The following ZNF608 variants were observed in gnomAD, a reference collection of about 807,000 sequenced individuals.
ZNF608 encodes renal carcinoma antigen NY-REN-36.
Under a neutral mutation model 109.0 loss-of-function variants are expected in ZNF608, and 12 were observed. The ratio of observed to expected loss-of-function variants is 0.11; its 90% CI spans 0.07 to 0.18. The LOEUF (loss-of-function observed/expected upper bound fraction) is 0.18. Ranked by LOEUF, ZNF608 falls within the 10% of genes least tolerant of loss-of-function variation. The pLI is 1.00. For synonymous variants in ZNF608, 732 were observed against 717.4 expected (o/e 1.02, Z -0.33); for missense variants, 1,707 against 1,879.3 (o/e 0.91, Z 1.70).
At chr5:124,723,032 ATT>A (rs753609561) in intron 2 of ZNF608, among the ~76,000 whole-genome samples, 18 of 142,772 alleles carry the variant, frequency 1.3e-4, no homozygotes, top group Admixed American at 2.1e-4. Context: ...TAAAAAAAAA[ATT>A]TTTTTTTTTT....
intron 3 of ZNF608, among the ~76,000 whole-genome samples, chr5:124,678,153 T>A (rs185461621): frequency 6.6e-6 from 1 of 152,278 alleles, no homozygotes; most frequent in East Asian, 1.9e-4. Context: ...AGTTCTTAGC[T>A]TATTGTGTGC....
intron 3 of ZNF608, among the ~76,000 whole-genome samples, chr5:124,672,478 C>G (rs1240283163): frequency 6.6e-6 from 1 of 152,174 alleles, no homozygotes; most frequent in Non-Finnish European, 1.5e-5. Flanking sequence ...AAAACTGTCT[C>G]CTGATACTAA....
At chr5:124,710,770 T>G (rs1291658768) in intron 2 of ZNF608, 2 of 153,660 alleles carry the variant, frequency 1.3e-5, no homozygotes, top group African/African-American at 4.8e-5. Flanking sequence ...GTTAAGCAAC[T>G]GGGTAAAGCT....
chr5:124,645,724 C>A (rs895807680), intron 5 of ZNF608, among the ~76,000 whole-genome samples: 2 of 151,882 alleles, frequency 1.3e-5, no homozygotes, highest in African/African-American at 4.8e-5. Context: ...GCTGACTGAC[C>A]CATGGGGCTC....
At chr5:124,677,180 T>A (rs1751980854) in intron 3 of ZNF608, among the ~76,000 whole-genome samples, 1 of 152,258 alleles carries the variant, frequency 6.6e-6, no homozygotes, top group Non-Finnish European at 1.5e-5. Context: ...TTGTTTCACA[T>A]TTGTCTATAA....
chr5:124,723,163 TG>T (rs1168562320), intron 2 of ZNF608, among the ~76,000 whole-genome samples: 2 of 151,536 alleles, frequency 1.3e-5, no homozygotes, highest in African/African-American at 4.9e-5. Context: ...CTCAAATAGG[TG>T]GGATTACAGG....
In ZNF608 at chr5:124,735,976, C is replaced by G. The variant is rs187632307; in HGVS notation, c.906+8108G>C. Reference sequence around the variant, plus strand: ...CCTCCACTTCTCAAAATGTTGAGCTCATCTTCCACACAACTTCACAGAAAA... The same window carrying G: ...CCTCCACTTCTCAAAATGTTGAGCTGATCTTCCACACAACTTCACAGAAAA... On this transcript the variant is annotated intron_variant, in intron 2 of 9. Transcript: ENST00000513986. 4.1e-3 allele frequency among the ~76,000 whole-genome samples: 620 copies of G among 152,022 alleles called. 3 individuals carry two copies. Among genetic ancestry groups the G allele is most frequent in the Non-Finnish European group, 4.6e-3 (310 of 67,982 alleles).
intron 2 of ZNF608, among the ~76,000 whole-genome samples, chr5:124,705,517 A>G (rs1561573016): frequency 6.6e-6 from 1 of 152,176 alleles, no homozygotes; most frequent in Non-Finnish European, 1.5e-5. Context: ...CACTGGCTTA[A>G]AAGTCCCTGG....
intron 3 of ZNF608, among the ~76,000 whole-genome samples, chr5:124,655,529 A>G (rs1204558906): frequency 6.6e-6 from 1 of 152,226 alleles, no homozygotes; most frequent in African/African-American, 2.4e-5. Flanking sequence ...TAACCCATTC[A>G]TGCCATATGC....
At chr5:124,666,626 G>A (rs186410744) in intron 3 of ZNF608, among the ~76,000 whole-genome samples, 23 of 151,918 alleles carry the variant, frequency 1.5e-4, no homozygotes, top group African/African-American at 5.3e-4. Context: ...GGCACATTCC[G>A]CTCCCCCAGC....
intron 3 of ZNF608, among the ~76,000 whole-genome samples, chr5:124,665,166 A>AC (rs1379225388): frequency 1.4e-4 from 20 of 141,398 alleles, no homozygotes; most frequent in African/African-American, 4.5e-4. Context: ...ACAGAGGGAG[A>AC]CTCCACCTCC....
At chr5:124,686,383 T>A (rs1373427178) in intron 3 of ZNF608, among the ~76,000 whole-genome samples, 1 of 152,180 alleles carries the variant, frequency 6.6e-6, no homozygotes, top group Non-Finnish European at 1.5e-5. Flanking sequence ...GGCCTCCTAA[T>A]GTGTCTGCCC....
At chr5:124,659,865 A>G (rs1360746787) in intron 3 of ZNF608, among the ~76,000 whole-genome samples, 2 of 152,208 alleles carry the variant, frequency 1.3e-5, no homozygotes, top group African/African-American at 4.8e-5. Flanking sequence ...TCTCACTGGG[A>G]TTGAAGAGCC....
chr5:124,648,247 C>T lies in ZNF608; in HGVS notation c.2137G>A (p.Asp713Asn). ...EGLIDKKNLGDKEKGKKATNC... is the reference protein window; with the variant it reads ...EGLIDKKNLGNKEKGKKATNC... ...GTAGCTTTTTTGCCCTTTTCTTTAT[C>T]TCCTAAATTTTTCTTGTCAATTAAT... is the stretch of plus-strand genomic sequence containing the variant. Residue 713 changes from aspartate (D) to asparagine (N), a missense_variant, in exon 5 of 10, where the codon GAT becomes AAT. This residue lies in a region of ZNF608 where 1,073 missense variants were observed against 1,133.5 expected (regional missense o/e 0.95). Transcript: ENST00000513986. 1 of 1,614,144 alleles carries T rather than the reference C, an allele frequency of 6.2e-7. No homozygotes were observed. Among genetic ancestry groups the T allele is most frequent in the Admixed American group, 1.7e-5 (1 of 60,012 alleles).
Position 124,647,992 on chromosome 5 carries a change from G to A in ZNF608, c.2392C>T (p.Pro798Ser). The A allele has an allele frequency of 6.2e-7, 1 of 1,614,184 alleles. No individual in the cohort carries two copies. The highest frequency in any genetic ancestry group is 8.5e-7 in the Non-Finnish European group (1 of 1,180,036). The change falls in exon 5 of 10, where the codon CCC (proline) becomes TCC (serine). Residue 798 changes from proline to serine, a missense_variant. Physicochemically the swap from Pro to Ser is moderately conservative, Grantham distance 74 (BLOSUM62 -1). Coordinates refer to ENST00000513986, the MANE Select transcript of ZNF608 (RefSeq NM_020747.3). ...ACCAGAGCTGGGTTCACGGTGATGG[G>A]CTCTCCCATAATTGTGGGCTTTGGT... is the stretch of plus-strand genomic sequence containing the variant. ...IQPKPTIMGE[P>S]ITVNPALVSL...
At chr5:124,731,099 T>C (rs1480744519) in intron 2 of ZNF608, among the ~76,000 whole-genome samples, 1 of 152,268 alleles carries the variant, frequency 6.6e-6, no homozygotes, top group African/African-American at 2.4e-5. Context: ...AGAAATCACA[T>C]GTAGGTGAGC....
Position 124,745,190 on chromosome 5 carries a change from A to G in ZNF608, c.-183-18T>C, listed in dbSNP as rs1051123358. ...ACCTTTTCCTGTGAAGGGGGGGGGA[A>G]AAGTCGAATATTTCTTGTCTGGGTG... On this transcript the variant is annotated intron_variant, in intron 1 of 9. Transcript: ENST00000513986. 6.5e-5 allele frequency: 92 copies of G among 1,404,946 alleles called. No individual in the cohort carries two copies. The highest frequency in any genetic ancestry group is 2.6e-4 in the Admixed American group (8 of 31,262). 87.0% of individuals were successfully genotyped at this position (1,404,946 alleles called of 1,614,324 possible). A position where few individuals can be genotyped will look rare whatever the true frequency, so the allele number is the denominator to read the frequency against.
intron 2 of ZNF608, among the ~76,000 whole-genome samples, chr5:124,708,461 G>A (rs1312394310): frequency 6.6e-6 from 1 of 152,150 alleles, no homozygotes; most frequent in East Asian, 1.9e-4. Flanking sequence ...CTTTCTCCAT[G>A]GGTAATTTCT....
intron 8 of ZNF608, among the ~76,000 whole-genome samples, chr5:124,640,236 A>C (rs1202097016): frequency 6.6e-6 from 1 of 152,270 alleles, no homozygotes; most frequent in African/African-American, 2.4e-5. Context: ...GCAATAGACT[A>C]AATTATGTCT....
Sources: allele counts gnomAD v4.1 joint callset (sites outside exome capture counted in the v4.1 genomes callset), GRCh38; gene constraint gnomAD v4.1.1; regional missense constraint gnomAD v4.1.1; transcripts MANE v1.5; gene names NCBI Gene and HGNC (gene_info 2026-07-23, HGNC 2026-07-21).